The following HNRNPR variants were observed in gnomAD, a reference collection of about 807,000 sequenced individuals.
HNRNPR encodes heterogeneous nuclear ribonucleoprotein R.
Under a neutral mutation model 70.3 loss-of-function variants are expected in HNRNPR, and 4 were observed. That is an observed-to-expected ratio of 0.06 (90% CI 0.03 to 0.13). The LOEUF (loss-of-function observed/expected upper bound fraction) is 0.13. HNRNPR is among the 10% of genes least tolerant of loss of function. HNRNPR has a pLI of 1.00. For synonymous variants in HNRNPR, 241 were observed against 267.6 expected (o/e 0.90, Z 0.97); for missense variants, 423 against 788.5 (o/e 0.54, Z 5.55).
At chr1:23,342,850 G>C (rs945386825) in intron 1 of HNRNPR, among the ~76,000 whole-genome samples, 4 of 152,128 alleles carry the variant, frequency 2.6e-5, no homozygotes, top group Non-Finnish European at 5.9e-5. Context: ...GACAAGTTGT[G>C]TATTAAGTAC....
intron 8 of HNRNPR, among the ~76,000 whole-genome samples, chr1:23,317,480 T>C (rs989791638): frequency 6.6e-6 from 1 of 151,660 alleles, no homozygotes; most frequent in Non-Finnish European, 1.5e-5. Flanking sequence ...GCAACTCTGA[T>C]GTGTCCCAGG....
In HNRNPR at chr1:23,305,256, T is replaced by C. The variant is rs1477112451; in HGVS notation, c.*5198A>G. The C allele has an allele frequency of 2.6e-5, 4 of 152,318 alleles. No individual in the cohort carries two copies. In the East Asian group the frequency reaches 5.8e-4, roughly 22 times the overall value. 9.4% of individuals were successfully genotyped at this position (152,318 alleles called of 1,614,324 possible). On this transcript the variant is annotated 3_prime_UTR_variant, in exon 11 of 11. Coordinates refer to ENST00000302271, the MANE Select transcript of HNRNPR (RefSeq NM_005826.5). ...TTACCTTAAAACTTCCTAAGGAGCA[T>C]GCTATTTAGTGCTAAGTTTTATACC...
At chr1:23,322,150 C>T (rs1471013884) in intron 6 of HNRNPR, among the ~76,000 whole-genome samples, 1 of 151,962 alleles carries the variant, frequency 6.6e-6, no homozygotes, top group Admixed American at 6.6e-5. Context: ...AAATTGTCTA[C>T]CAAACACAAT....
intron 8 of HNRNPR, among the ~76,000 whole-genome samples, chr1:23,315,293 A>C (rs1038518151): frequency 1.3e-5 from 2 of 150,882 alleles, no homozygotes; most frequent in South Asian, 2.1e-4. Context: ...AAAAAAAAAA[A>C]AAAAAAAAAA....
chr1:23,338,652 G>T, intron 2 of HNRNPR, 44 bp from the exon 3 acceptor site: 5 of 908,716 alleles, frequency 5.5e-6, no homozygotes, highest in South Asian at 1.5e-5. Flanking sequence ...CAACAAAAGG[G>T]GTAATCTAAG....
chr1:23,340,335 T>C (rs1189647815), intron 2 of HNRNPR, among the ~76,000 whole-genome samples: 3 of 150,094 alleles, frequency 2.0e-5, no homozygotes, highest in South Asian at 2.1e-4. Flanking sequence ...GAAGCAGCTG[T>C]TACAACCAAA....
chr1:23,341,486 C>A (rs1379983907), intron 1 of HNRNPR, among the ~76,000 whole-genome samples: 1 of 152,084 alleles, frequency 6.6e-6, no homozygotes. Flanking sequence ...AATACAGTAT[C>A]GGTGTGAAAT....
chr1:23,316,806 A>G (rs1344251058), intron 8 of HNRNPR, among the ~76,000 whole-genome samples: 1 of 152,170 alleles, frequency 6.6e-6, no homozygotes, highest in East Asian at 1.9e-4. Context: ...AATCAAAATA[A>G]AAACTCAGAG....
chr1:23,321,076 T>C lies in HNRNPR; in HGVS notation c.811+452A>G, dbSNP rs563957580. Among the ~76,000 whole-genome samples, 64 of 148,248 alleles carry C rather than the reference T, an allele frequency of 4.3e-4. No homozygotes were observed. In the South Asian group the frequency reaches 4.9e-3, roughly 11 times the overall value. On this transcript the variant is annotated intron_variant, in intron 7 of 10. Transcript: ENST00000302271. ...TACTCGGGAGGCTGAGGCAGGAGAATTGCTTGAACCAAGGAGGCGGAGGTT... is the reference window on the plus strand; with the variant it reads ...TACTCGGGAGGCTGAGGCAGGAGAACTGCTTGAACCAAGGAGGCGGAGGTT...
intron 8 of HNRNPR, among the ~76,000 whole-genome samples, chr1:23,317,105 G>A (rs1319627948): frequency 6.6e-6 from 1 of 152,158 alleles, no homozygotes; most frequent in Non-Finnish European, 1.5e-5. Flanking sequence ...CAGAGTTGCT[G>A]CCTCCCTGTG....
intron 8 of HNRNPR, among the ~76,000 whole-genome samples, chr1:23,316,345 T>C (rs1267753701): frequency 1.3e-5 from 2 of 152,142 alleles, no homozygotes; most frequent in Non-Finnish European, 2.9e-5. Context: ...GGCTCCATAA[T>C]ATTTAATCCT....
At chr1:23,317,706 G>A (rs756308503) in intron 8 of HNRNPR, among the ~76,000 whole-genome samples, 8 of 151,910 alleles carry the variant, frequency 5.3e-5, no homozygotes, top group African/African-American at 9.7e-5. Flanking sequence ...AACAAGAGGC[G>A]GGGCACGGTG....
chr1:23,335,600 G>C (rs1646440138), intron 4 of HNRNPR, among the ~76,000 whole-genome samples: 1 of 152,082 alleles, frequency 6.6e-6, no homozygotes, highest in African/African-American at 2.4e-5. Context: ...ATTGTGAAGT[G>C]TGCATACAAG....
chr1:23,342,973 ATAAT>A (rs1443590939), intron 1 of HNRNPR, among the ~76,000 whole-genome samples: 2 of 152,336 alleles, frequency 1.3e-5, no homozygotes, highest in African/African-American at 2.4e-5. Flanking sequence ...AAACCGTAAA[ATAAT>A]TAGATTCCAG....
chr1:23,311,122 T>G, intron 10 of HNRNPR, 56 bp from the exon 11 acceptor site: 1 of 1,608,022 alleles, frequency 6.2e-7, no homozygotes, highest in Non-Finnish European at 8.5e-7. Context: ...TTCAAGACTC[T>G]GATTTTGTTT....
In HNRNPR at chr1:23,309,005, C is replaced by G. The variant is rs369060921; in HGVS notation, c.*1449G>C. 8 of 151,972 alleles carry G rather than the reference C, an allele frequency of 5.3e-5. No homozygotes were observed. The East Asian group carries it at 9.7e-4, about 18-fold the overall frequency. The allele number at this position is 151,972 out of a possible 1,614,324, so 9.4% of individuals were successfully genotyped here. On this transcript the variant is annotated 3_prime_UTR_variant, in exon 11 of 11. Coordinates refer to ENST00000302271, the MANE Select transcript of HNRNPR (RefSeq NM_005826.5). ...TTGAAAGTGATTCACTTTTCTGTACCGTAAAGCTTAGATTCTTTTGTTCCT... is the reference window on the plus strand; with the variant it reads ...TTGAAAGTGATTCACTTTTCTGTACGGTAAAGCTTAGATTCTTTTGTTCCT...
chr1:23,331,101 G>A (rs892453525), intron 5 of HNRNPR, among the ~76,000 whole-genome samples: 2 of 152,106 alleles, frequency 1.3e-5, no homozygotes, highest in Admixed American at 1.3e-4. Context: ...AGTGGTTTTA[G>A]GCTAGTGATC....
intron 9 of HNRNPR, among the ~76,000 whole-genome samples, chr1:23,312,865 C>T (rs1026254914): frequency 1.3e-5 from 2 of 151,902 alleles, no homozygotes; most frequent in East Asian, 3.9e-4. Flanking sequence ...TTGCTCCCAC[C>T]CCCCCAAGGA....
At chr1:23,324,922 C>T (rs1171779370) in intron 5 of HNRNPR, among the ~76,000 whole-genome samples, 1 of 152,028 alleles carries the variant, frequency 6.6e-6, no homozygotes, top group Non-Finnish European at 1.5e-5. Context: ...GGGCGGATCA[C>T]GAAGTCAGGA....
Sources: gnomAD v4.1 joint callset for allele counts (sites outside exome capture counted in the v4.1 genomes callset) on GRCh38, gnomAD v4.1.1 for gene constraint, MANE v1.5 for transcripts, NCBI Gene and HGNC (gene_info 2026-07-23, HGNC 2026-07-21) for gene names.